OLFML2B: variants seen among roughly 807,000 people sequenced by gnomAD.
OLFML2B encodes the protein olfactomedin-like protein 2B.
Under a neutral mutation model 74.9 loss-of-function variants are expected in OLFML2B, and 57 were observed. The observed-to-expected ratio is 0.76, with a 90% CI of 0.61 to 0.95. The LOEUF is 0.95. OLFML2B is among the 40% of genes least tolerant of loss of function. OLFML2B has a pLI of 0.00. For missense variants in OLFML2B, 986 were observed against 970.6 expected (o/e 1.02, Z -0.21); for synonymous variants, 388 against 405.8 (o/e 0.96, Z 0.53).
At chr1:162,005,204 T>C (rs1690185936) in intron 4 of OLFML2B, among the ~76,000 whole-genome samples, 2 of 152,230 alleles carry the variant, frequency 1.3e-5, no homozygotes, top group Non-Finnish European at 2.9e-5. Flanking sequence ...TTAGTAGTAA[T>C]TGGAGCCAAA....
chr1:162,006,600 T>C (rs759951011), intron 3 of OLFML2B, 127 bp from the exon 4 acceptor site: 214 of 753,134 alleles, frequency 2.8e-4, no homozygotes, highest in Non-Finnish European at 4.1e-4. Context: ...CAACAAGTGA[T>C]TGGGGCTAGA....
intron 4 of OLFML2B, among the ~76,000 whole-genome samples, chr1:162,005,768 G>C (rs1436107918): frequency 6.6e-6 from 1 of 152,084 alleles, no homozygotes; most frequent in Non-Finnish European, 1.5e-5. Context: ...TACCAGGCAT[G>C]GTAGCATGTG....
intron 6 of OLFML2B, among the ~76,000 whole-genome samples, chr1:161,993,590 C>T (rs751947028): frequency 6.6e-6 from 1 of 152,148 alleles, no homozygotes; most frequent in Admixed American, 6.5e-5. Context: ...AGCATCGAGT[C>T]CCTACTTCTC....
At chr1:162,016,767 C>A (rs904123505) in intron 3 of OLFML2B, among the ~76,000 whole-genome samples, 3 of 152,168 alleles carry the variant, frequency 2.0e-5, no homozygotes, top group African/African-American at 7.2e-5. Flanking sequence ...TAACAACTCC[C>A]AGCTCCCTTC....
intron 6 of OLFML2B, among the ~76,000 whole-genome samples, chr1:161,988,647 C>G (rs1689654387): frequency 6.6e-6 from 1 of 151,278 alleles, no homozygotes; most frequent in Non-Finnish European, 1.5e-5. Flanking sequence ...CTGGTCTGGC[C>G]TTCTCCAGCT....
At position 162,019,742 on chromosome 1, in the gene OLFML2B, C is replaced by T. The variant is rs185814686; in HGVS notation, c.438+177G>A. ...CTTTGCTTTAAGCATCTCCCTTATA[C>T]ACCAGAGCTGAAAAGGACAAGTTTG... On this transcript the variant is annotated intron_variant, in intron 2 of 7. Coordinates refer to ENST00000294794, the MANE Select transcript of OLFML2B (RefSeq NM_015441.3). Among the ~76,000 whole-genome samples the T allele has an allele frequency of 2.3e-3, 353 of 152,306 alleles. 1 individual carries two copies. Among genetic ancestry groups the T allele is most frequent in the African/African-American group, 8.1e-3 (335 of 41,562 alleles).
chr1:162,018,619 C>T (rs1690614462), intron 2 of OLFML2B, among the ~76,000 whole-genome samples: 1 of 152,190 alleles, frequency 6.6e-6, no homozygotes, highest in Admixed American at 6.5e-5. Flanking sequence ...TCCTGCCTGC[C>T]AGTACAGAGG....
chr1:161,984,388 C>A (rs1259396643), intron 7 of OLFML2B, 112 bp from the exon 8 acceptor site: 6 of 1,394,664 alleles, frequency 4.3e-6, no homozygotes, highest in African/African-American at 2.9e-5. Flanking sequence ...AGGTTTGTGT[C>A]TTGGCTCTGC....
chr1:161,991,797 C>A (rs941587434), intron 6 of OLFML2B, among the ~76,000 whole-genome samples: 4 of 152,180 alleles, frequency 2.6e-5, no homozygotes, highest in Admixed American at 6.5e-5. Context: ...ATTCAGTAAA[C>A]CATGCTGTAA....
intron 4 of OLFML2B, among the ~76,000 whole-genome samples, chr1:162,005,764 G>T (rs1401060453): frequency 1.3e-5 from 2 of 152,080 alleles, no homozygotes; most frequent in African/African-American, 2.4e-5. Flanking sequence ...TTATTACCAG[G>T]CATGGTAGCA....
At chr1:161,989,416 C>T (rs1689675026) in intron 6 of OLFML2B, among the ~76,000 whole-genome samples, 1 of 152,220 alleles carries the variant, frequency 6.6e-6, no homozygotes, top group Non-Finnish European at 1.5e-5. Context: ...GAAGAGCTGA[C>T]CTGAAGGCAT....
intron 6 of OLFML2B, among the ~76,000 whole-genome samples, chr1:161,988,665 T>A (rs1689654933): frequency 6.6e-6 from 1 of 150,916 alleles, no homozygotes. Flanking sequence ...GCTCTTTGGC[T>A]AGTGCTTCCT....
intron 5 of OLFML2B, 57 bp from the exon 6 acceptor site, chr1:161,998,406 C>G (rs928308729): frequency 6.6e-7 from 1 of 1,513,050 alleles, no homozygotes; most frequent in Non-Finnish European, 8.9e-7. Context: ...CTACAGATGA[C>G]AAGAGCACAT....
chr1:162,012,689 A>G (rs1690426179), intron 3 of OLFML2B, among the ~76,000 whole-genome samples: 1 of 152,222 alleles, frequency 6.6e-6, no homozygotes, highest in Non-Finnish European at 1.5e-5. Flanking sequence ...GAAAGCTTGC[A>G]GGCATGCATC....
intron 6 of OLFML2B, among the ~76,000 whole-genome samples, chr1:161,992,541 G>C (rs1689771289): frequency 6.6e-6 from 1 of 152,234 alleles, no homozygotes; most frequent in Non-Finnish European, 1.5e-5. Flanking sequence ...TCCTCGCTCA[G>C]CTCTGACATT....
At chr1:162,003,020 G>T (rs1690123696) in intron 4 of OLFML2B, among the ~76,000 whole-genome samples, 2 of 152,154 alleles carry the variant, frequency 1.3e-5, no homozygotes, top group South Asian at 4.2e-4. Flanking sequence ...TCAGCAATTT[G>T]GTTGAAAGTC....
rs1689980093 is a variant in OLFML2B, at chr1:161,998,301, T to C, written c.998A>G (p.Asp333Gly). 3 of 1,586,900 alleles carry C rather than the reference T, an allele frequency of 1.9e-6. No individual in the cohort carries two copies. Among genetic ancestry groups the C allele is most frequent in the Non-Finnish European group, 2.6e-6 (3 of 1,160,576 alleles). Residue 333 changes from aspartate to glycine, a missense_variant, in exon 6 of 8, where the codon GAT becomes GGT. Physicochemically the swap from Asp to Gly is moderately conservative, Grantham distance 94. Coordinates refer to ENST00000294794, the MANE Select transcript of OLFML2B (RefSeq NM_015441.3). The part of the protein sequence containing the change: ...GDNGVDLLIE[D>G]QLLRHNGLMT... ...CAGGCCGTTGTGTCTCAGGAGCTGA[T>C]CTTCAATCAGCAAATCCACTCCATT...
At chr1:162,022,073 G>A (rs937010468) in intron 1 of OLFML2B, among the ~76,000 whole-genome samples, 1 of 151,948 alleles carries the variant, frequency 6.6e-6, no homozygotes, top group African/African-American at 2.4e-5. Flanking sequence ...CAGCCCTGGA[G>A]GATCCTTTTT....
Position 161,983,798 on chromosome 1 carries a change from G to A in OLFML2B, c.2130C>T (p.Pro710=), listed in dbSNP as rs954174182. The change falls in exon 8 of 8, where the codon CCC becomes CCT. Residue 710 remains proline (P), a synonymous_variant. Transcript: ENST00000294794. The stretch of plus-strand genomic sequence containing the variant: ...AATACTCATTCTCGAACAGCAGCCT[G>A]GGGACGATCTGTGTGTTGGTGTGGG... ...FDTHTNTQIV[P]RLLFENEYSY... 5.0e-6 allele frequency: 8 copies of A among 1,614,176 alleles called. No individual in the cohort carries two copies. In the South Asian group the frequency reaches 8.8e-5, roughly 18 times the overall value.
Sources: allele counts gnomAD v4.1 joint callset (sites outside exome capture counted in the v4.1 genomes callset), GRCh38; gene constraint gnomAD v4.1.1; transcripts MANE v1.5; gene names NCBI Gene and HGNC (gene_info 2026-07-23, HGNC 2026-07-21).